Variants in SLC25A51 observed in about 807,000 individuals in gnomAD.
The protein encoded by SLC25A51 is solute carrier family 25 member 51.
In SLC25A51, 11 loss-of-function variants were observed where a neutral mutation model predicts 19.1. The ratio of observed to expected loss-of-function variants is 0.58; its 90% CI spans 0.36 to 0.96. The LOEUF (loss-of-function observed/expected upper bound fraction) is 0.96. SLC25A51 is among the 40% of genes least tolerant of loss of function. The probability of loss-of-function intolerance (pLI) is 0.01; values close to 1 mark genes in which losing one functional copy is unlikely to be tolerated. For synonymous variants in SLC25A51, 105 were observed against 133.6 expected, an observed-to-expected ratio of 0.79 and a Z score of 1.47; for missense variants, 201 against 365.4, an observed-to-expected ratio of 0.55 and a Z score of 3.67.
In SLC25A51 at chr9:37,887,636, G is replaced by C. The variant is rs1831490199; in HGVS notation, c.*21C>G. On this transcript the variant is annotated 3_prime_UTR_variant, in exon 3 of 3. Transcript: ENST00000242275. The stretch of plus-strand genomic sequence containing the variant: ...TAGAAGGTCTATTCAGTTGATAAAT[G>C]GCACTTAACTGATGGTTTTTTCATA... 6 of 1,587,330 alleles carry C rather than the reference G, an allele frequency of 3.8e-6. No individual in the cohort carries two copies. Among genetic ancestry groups the C allele is most frequent in the Non-Finnish European group, 5.1e-6 (6 of 1,169,220 alleles).
In SLC25A51 at chr9:37,888,182, C is replaced by T; in HGVS notation, c.369G>A (p.Val123=). 1 of 1,614,030 alleles carries T rather than the reference C, an allele frequency of 6.2e-7. No homozygotes were observed. Among genetic ancestry groups the T allele is most frequent in the Non-Finnish European group, 8.5e-7 (1 of 1,179,920 alleles). ...VSAPEFATSG[V]AAVLAGTTEA... is the part of the protein sequence containing the mutation. ...CTGTTGTCCCTGCAAGCACTGCCGCCACGCCACTGGTTGCAAACTCTGGAG... is the reference window on the plus strand; with the variant it reads ...CTGTTGTCCCTGCAAGCACTGCCGCTACGCCACTGGTTGCAAACTCTGGAG... The change falls in exon 3 of 3, where the codon GTG becomes GTA. Residue 123 remains valine, a synonymous_variant. Transcript: ENST00000242275.
intron 2 of SLC25A51, among the ~76,000 whole-genome samples, chr9:37,897,213 T>A (rs1437212534): frequency 6.6e-6 from 1 of 152,046 alleles, no homozygotes; most frequent in Admixed American, 6.6e-5. Flanking sequence ...TATTATATTT[T>A]AAATTTTTAA....
intron 2 of SLC25A51, among the ~76,000 whole-genome samples, chr9:37,881,915 T>C (rs1217803506): frequency 6.6e-6 from 1 of 151,976 alleles, no homozygotes; most frequent in African/African-American, 2.4e-5. Flanking sequence ...ACAAACTTTA[T>C]TCCAAATTAT....
chr9:37,891,412 G>C (rs1248213057), intron 2 of SLC25A51, among the ~76,000 whole-genome samples: 2 of 152,248 alleles, frequency 1.3e-5, no homozygotes. Context: ...TTGTCGAATA[G>C]AAAAGGGGGA....
At chr9:37,878,869 T>C (rs986879020), downstream of SLC25A51, 8 of 168,320 alleles carry the variant, frequency 4.8e-5, no homozygotes, top group South Asian at 1.6e-4. Context: ...CCTCCTGCCT[T>C]AGCCTCCCAA....
At chr9:37,900,603 A>T (rs1193986132) in intron 1 of SLC25A51, among the ~76,000 whole-genome samples, 1 of 151,982 alleles carries the variant, frequency 6.6e-6, no homozygotes, top group Non-Finnish European at 1.5e-5. Context: ...TAACTTTTAA[A>T]AAACATTTTT....
At chr9:37,900,397 C>A (rs1831820871) in intron 1 of SLC25A51, among the ~76,000 whole-genome samples, 1 of 150,864 alleles carries the variant, frequency 6.6e-6, no homozygotes, top group South Asian at 2.1e-4. Context: ...TGCAGTAAAC[C>A]AAGATCACAG....
chr9:37,879,960 G>A (rs1831319081), exon 4 of SLC25A51: 1 of 152,304 alleles, frequency 6.6e-6, no homozygotes, highest in African/African-American at 2.4e-5. Context: ...CCTGTCTCCT[G>A]TAGGCCACAG....
At chr9:37,883,661 A>C (rs1482534272), downstream of SLC25A51, among the ~76,000 whole-genome samples, 1 of 152,254 alleles carries the variant, frequency 6.6e-6, no homozygotes, top group Non-Finnish European at 1.5e-5. Flanking sequence ...GTGAGTGCTC[A>C]AAGTCACACG....
intron 2 of SLC25A51, among the ~76,000 whole-genome samples, chr9:37,896,475 T>A (rs1831718259): frequency 6.6e-6 from 1 of 152,150 alleles, no homozygotes; most frequent in Non-Finnish European, 1.5e-5. Flanking sequence ...GGAAGATGTA[T>A]CCACAGAATG....
intron 2 of SLC25A51, among the ~76,000 whole-genome samples, chr9:37,891,033 G>C (rs573179725): frequency 6.6e-6 from 1 of 152,178 alleles, no homozygotes; most frequent in Non-Finnish European, 1.5e-5. Flanking sequence ...AGTAGAAAGC[G>C]TAGAGCTGAG....
downstream of SLC25A51, among the ~76,000 whole-genome samples, chr9:37,884,973 G>A (rs1174408545): frequency 6.6e-6 from 1 of 152,150 alleles, no homozygotes; most frequent in East Asian, 1.9e-4. Context: ...ATAGTATAAT[G>A]CCTATCCAAT....
chr9:37,892,065 T>A (rs1831604103), intron 2 of SLC25A51, among the ~76,000 whole-genome samples: 1 of 152,090 alleles, frequency 6.6e-6, no homozygotes, highest in African/African-American at 2.4e-5. Flanking sequence ...TAAGGTTCAG[T>A]GTAGGATTAA....
At chr9:37,885,813 C>T (rs998680371), downstream of SLC25A51, 54 of 1,604,984 alleles carry the variant, frequency 3.4e-5, no homozygotes, top group Middle Eastern at 3.3e-4. Flanking sequence ...TCTTTTCTTC[C>T]GCTTGGATAT....
intron 1 of SLC25A51, among the ~76,000 whole-genome samples, chr9:37,900,447 C>G (rs1322982923): frequency 2.0e-5 from 3 of 148,016 alleles, no homozygotes; most frequent in African/African-American, 5.0e-5. Context: ...AGACTCTATC[C>G]AGAAAAAAAA....
At chr9:37,881,488 C>T (rs1278937056) in intron 3 of SLC25A51, 2 of 152,042 alleles carry the variant, frequency 1.3e-5, no homozygotes, top group African/African-American at 4.8e-5. Flanking sequence ...AAAATCTCTA[C>T]AAAAATTAGC....
At position 37,888,555 on chromosome 9, in the gene SLC25A51, C is replaced by A. The variant is rs201543549; in HGVS notation, c.-5G>T. ...ATGAGCTTCTGAATCCATCATGCTG[C>A]TTAAGATCTTTCTTTTTCATGAAGG... is the stretch of plus-strand genomic sequence containing the variant. On this transcript the variant is annotated 5_prime_UTR_variant, in exon 3 of 3. Transcript: ENST00000242275. The A allele has an allele frequency of 1.1e-3, 1,692 of 1,575,528 alleles. 2 individuals are homozygous for A. Among genetic ancestry groups the A allele is most frequent in the Non-Finnish European group, 1.3e-3 (1,461 of 1,165,922 alleles).
chr9:37,889,759 G>C (rs530844231), intron 2 of SLC25A51, among the ~76,000 whole-genome samples: 1 of 148,518 alleles, frequency 6.7e-6, no homozygotes, highest in Admixed American at 6.9e-5. Flanking sequence ...AAAATGATTG[G>C]AACTAAGCCA....
intron 2 of SLC25A51, among the ~76,000 whole-genome samples, chr9:37,881,926 C>CA (rs57239574): frequency 0.014 from 2,161 of 150,728 alleles, 56 homozygotes; most frequent in African/African-American, 0.05. Context: ...TCCAAATTAT[C>CA]AAAAAAAAAG....
Sources: allele counts gnomAD v4.1 joint callset (sites outside exome capture counted in the v4.1 genomes callset), GRCh38; gene constraint gnomAD v4.1.1; transcripts MANE v1.5; gene names NCBI Gene and HGNC (gene_info 2026-07-23, HGNC 2026-07-21).